Variants in MICAL2 observed in about 807,000 individuals in gnomAD.
MICAL2 encodes the protein microtubule associated monooxygenase, calponin and LIM domain containing 2.
MICAL2 carries 77 observed loss-of-function variants against 127.3 expected under a neutral mutation model. The observed-to-expected ratio is 0.60, with a 90% CI of 0.50 to 0.73. The LOEUF is 0.73. Among genes scored for constraint, MICAL2 ranks in the 30% least tolerant of loss-of-function variants. MICAL2 has a pLI of 0.00. For synonymous variants in MICAL2, 570 were observed against 551.1 expected, an observed-to-expected ratio of 1.03 and a Z score of -0.48; for missense variants, 1,351 against 1,434.4, an observed-to-expected ratio of 0.94 and a Z score of 0.94.
intron 15 of MICAL2, among the ~76,000 whole-genome samples, chr11:12,227,917 A>G (rs559566309): frequency 3.9e-4 from 60 of 152,374 alleles, no homozygotes; most frequent in African/African-American, 1.3e-3. Flanking sequence ...ACATGGTGCC[A>G]TGGGACACAG....
At chr11:12,156,620 G>A (rs1854211468) in intron 2 of MICAL2, among the ~76,000 whole-genome samples, 3 of 152,266 alleles carry the variant, frequency 2.0e-5, no homozygotes, top group Admixed American at 2.0e-4. Flanking sequence ...GTTAAATTGG[G>A]TGCCTAGTGC....
At chr11:12,114,028 G>T (rs1230440558) in intron 1 of MICAL2, among the ~76,000 whole-genome samples, 1 of 152,136 alleles carries the variant, frequency 6.6e-6, no homozygotes, top group Admixed American at 6.5e-5. Flanking sequence ...GTCCATGAGG[G>T]TATCTACCAG....
At chr11:12,210,386 C>G (rs1366800226) in intron 6 of MICAL2, among the ~76,000 whole-genome samples, 1 of 152,194 alleles carries the variant, frequency 6.6e-6, no homozygotes, top group Non-Finnish European at 1.5e-5. Flanking sequence ...GAGCCTGCCC[C>G]CTCAAGAGCC....
intron 29 of MICAL2, among the ~76,000 whole-genome samples, chr11:12,309,409 T>C (rs1055907180): frequency 1.3e-5 from 2 of 152,168 alleles, no homozygotes; most frequent in Non-Finnish European, 2.9e-5. Flanking sequence ...TTTTAGCTCC[T>C]GTGTAAGTGA....
intron 21 of MICAL2, among the ~76,000 whole-genome samples, chr11:12,246,129 C>A (rs1403942024): frequency 6.6e-6 from 1 of 152,250 alleles, no homozygotes; most frequent in African/African-American, 2.4e-5. Flanking sequence ...AATACCCTGA[C>A]TTGGTTTCCA....
chr11:12,274,671 G>A (rs1262952847), upstream of MICAL2: 1 of 152,534 alleles, frequency 6.6e-6, no homozygotes, highest in Non-Finnish European at 1.5e-5. Flanking sequence ...CCAGAGTGCT[G>A]GAGGAGCATC....
chr11:12,253,977 T>A (rs1861942753), intron 22 of MICAL2: 1 of 152,182 alleles, frequency 6.6e-6, no homozygotes, highest in Non-Finnish European at 1.5e-5. Context: ...AACCCTTTAA[T>A]CACAGGGTTG....
chr11:12,297,103 T>C (rs1590727138), downstream of MICAL2, among the ~76,000 whole-genome samples: 1 of 152,168 alleles, frequency 6.6e-6, no homozygotes, highest in African/African-American at 2.4e-5. Context: ...GATATGTGAA[T>C]TGGGAATTTT....
At chr11:12,294,375 G>T (rs765404851), downstream of MICAL2, 159 of 1,614,020 alleles carry the variant, frequency 9.9e-5, no homozygotes, top group Non-Finnish European at 1.3e-4. Flanking sequence ...TTCAGCCTTC[G>T]GAAAACCAAT....
intron 1 of MICAL2, among the ~76,000 whole-genome samples, chr11:12,277,072 G>C (rs1045048381): frequency 6.6e-6 from 1 of 151,840 alleles, no homozygotes; most frequent in African/African-American, 2.4e-5. Flanking sequence ...AAGTAGACCG[G>C]AGTAAGCCAA....
At chr11:12,347,644 A>C (rs1275091623) in intron 32 of MICAL2, among the ~76,000 whole-genome samples, 1 of 152,234 alleles carries the variant, frequency 6.6e-6, no homozygotes, top group Non-Finnish European at 1.5e-5. Flanking sequence ...ACAATAAAAA[A>C]TAATACAGAT....
exon 32 of MICAL2, chr11:12,327,233 G>A: frequency 6.4e-7 from 1 of 1,551,300 alleles, no homozygotes; most frequent in Non-Finnish European, 8.7e-7. Context: ...GATCCAGGGT[G>A]TGAGGCTGGA....
intron 34 of MICAL2, among the ~76,000 whole-genome samples, chr11:12,356,966 A>T (rs1024672594): frequency 3.9e-4 from 60 of 152,328 alleles, no homozygotes; most frequent in African/African-American, 1.4e-3. Flanking sequence ...CACCAATGAG[A>T]TATGACATTA....
At chr11:12,352,820 G>C (rs897978457) in intron 33 of MICAL2, among the ~76,000 whole-genome samples, 1 of 152,214 alleles carries the variant, frequency 6.6e-6, no homozygotes, top group African/African-American at 2.4e-5. Flanking sequence ...GAATTGGGCA[G>C]GAGGAGCCCC....
intron 29 of MICAL2, among the ~76,000 whole-genome samples, chr11:12,313,369 G>C (rs138719001): frequency 0.015 from 2,234 of 151,984 alleles, 26 homozygotes; most frequent in Non-Finnish European, 0.021. Context: ...ATAACCGCGG[G>C]GGGAGAATGA....
At chr11:12,199,419 C>T (rs747953653) in intron 3 of MICAL2, among the ~76,000 whole-genome samples, 3 of 152,254 alleles carry the variant, frequency 2.0e-5, no homozygotes, top group Non-Finnish European at 2.9e-5. Context: ...CACTCGACCT[C>T]GCTGCAGTGT....
At chr11:12,267,490 C>T (rs1356322947), downstream of MICAL2, among the ~76,000 whole-genome samples, 1 of 152,170 alleles carries the variant, frequency 6.6e-6, no homozygotes, top group African/African-American at 2.4e-5. Flanking sequence ...TTCCTCACCA[C>T]CTCCGCACTA....
intron 11 of MICAL2, 37 bp downstream of exon 11, chr11:12,222,780 G>A: frequency 6.2e-7 from 1 of 1,612,282 alleles, no homozygotes; most frequent in Non-Finnish European, 8.5e-7. Flanking sequence ...GAATCACTCT[G>A]CACTGAACAG....
chr11:12,348,393 C>A (rs1938990829), intron 32 of MICAL2, among the ~76,000 whole-genome samples: 1 of 151,866 alleles, frequency 6.6e-6, no homozygotes, highest in Non-Finnish European at 1.5e-5. Context: ...GTTGAGGAAC[C>A]CACAGATTTG....
Sources: gnomAD v4.1 joint callset for allele counts (sites outside exome capture counted in the v4.1 genomes callset) on GRCh38, gnomAD v4.1.1 for gene constraint, MANE v1.5 for transcripts, NCBI Gene and HGNC (gene_info 2026-07-23, HGNC 2026-07-21) for gene names.